ACYP2: variants seen among roughly 807,000 people sequenced by gnomAD.
ACYP2 encodes acylphosphatase 2, also known as acylphosphatase-2.
Under a neutral mutation model 11.2 loss-of-function variants are expected in ACYP2, and 12 were observed. That is an observed-to-expected ratio of 1.08 (90% confidence interval 0.69 to 1.74). The LOEUF (loss-of-function observed/expected upper bound fraction) is 1.74. ACYP2 is among the 40% of genes most tolerant of loss of function. The pLI, the probability that ACYP2 is intolerant of heterozygous loss-of-function variation, is 0.00. For missense variants in ACYP2, 134 were observed against 101.9 expected (o/e 1.31, Z -1.35); for synonymous variants, 43 against 32.2 (o/e 1.33, Z -1.13).
intron 2 of ACYP2, among the ~76,000 whole-genome samples, chr2:54,021,068 A>G (rs1293755294): frequency 6.6e-6 from 1 of 152,190 alleles, no homozygotes; most frequent in East Asian, 1.9e-4. Context: ...TGATGCAGGT[A>G]GCCCCTACTG....
At chr2:54,164,703 A>G (rs191644389) in intron 6 of ACYP2, among the ~76,000 whole-genome samples, 1 of 152,012 alleles carries the variant, frequency 6.6e-6, no homozygotes, top group East Asian at 1.9e-4. Context: ...TTGTTTTGTT[A>G]TGTTTTTGTT....
At chr2:54,234,747 C>T (rs905177974) in intron 6 of ACYP2, among the ~76,000 whole-genome samples, 1 of 152,202 alleles carries the variant, frequency 6.6e-6, no homozygotes, top group Non-Finnish European at 1.5e-5. Flanking sequence ...TCAACATTGT[C>T]TCATCCCTTC....
At chr2:54,195,611 G>A (rs142076366) in intron 6 of ACYP2, among the ~76,000 whole-genome samples, 220 of 139,912 alleles carry the variant, frequency 1.6e-3, no homozygotes, top group African/African-American at 5.4e-3. Context: ...CCGCAGCCAC[G>A]TTGCAAGAAT....
intron 4 of ACYP2, among the ~76,000 whole-genome samples, chr2:54,088,655 C>A (rs1678070289): frequency 6.6e-6 from 1 of 152,232 alleles, no homozygotes; most frequent in Admixed American, 6.5e-5. Flanking sequence ...TCTAAATCAA[C>A]TTCCGAATTC....
At position 54,231,659 on chromosome 2, in the gene ACYP2, GT is replaced by G. The variant is rs565274051; in HGVS notation, c.405-73027del. On this transcript the variant is annotated intron_variant, in intron 6 of 6. Transcript: ENST00000607452. ...TTATGAAAAAACAAATATATATGAAGTTGCAAATATAGGTTTTCAACAAAAG... is the reference window on the plus strand; with the variant it reads ...TTATGAAAAAACAAATATATATGAAGTGCAAATATAGGTTTTCAACAAAAG... Among the ~76,000 whole-genome samples, 17 of 152,248 alleles carry G rather than the reference GT, an allele frequency of 1.1e-4. No individual in the cohort carries two copies. In the East Asian group the frequency reaches 3.3e-3, roughly 29 times the overall value.
At chr2:54,123,096 A>C (rs1033690997) in intron 4 of ACYP2, 2 of 340,920 alleles carry the variant, frequency 5.9e-6, no homozygotes, top group Non-Finnish European at 1.1e-5. Context: ...TGGGCTGTGC[A>C]TGTTTCTCCT....
intron 6 of ACYP2, among the ~76,000 whole-genome samples, chr2:54,168,817 A>T (rs1483438318): frequency 6.6e-6 from 1 of 152,210 alleles, no homozygotes; most frequent in Non-Finnish European, 1.5e-5. Context: ...ATTAATTGTA[A>T]TTGTATTAGA....
chr2:54,266,584 ATC>A (rs1688030264), intron 6 of ACYP2, among the ~76,000 whole-genome samples: 1 of 117,196 alleles, frequency 8.5e-6, no homozygotes, highest in South Asian at 2.8e-4. Context: ...ATAGATATCT[ATC>A]TATCTTTTTT....
chr2:54,219,445 G>A (rs1354019820), intron 6 of ACYP2, among the ~76,000 whole-genome samples: 2 of 152,140 alleles, frequency 1.3e-5, no homozygotes, highest in Admixed American at 1.3e-4. Context: ...GTTTGGGTTT[G>A]AGGTTGTTCA....
chr2:54,098,686 CT>C (rs1057440868), intron 4 of ACYP2, among the ~76,000 whole-genome samples: 8 of 151,578 alleles, frequency 5.3e-5, no homozygotes, highest in African/African-American at 1.9e-4. Context: ...TCACTAACCT[CT>C]GCTACTGTGC....
chr2:53,974,754 A>C (rs372338501), intron 2 of ACYP2, among the ~76,000 whole-genome samples: 1 of 152,204 alleles, frequency 6.6e-6, no homozygotes, highest in African/African-American at 2.4e-5. Flanking sequence ...AGTGTTAGCT[A>C]TCATTCATTG....
intron 4 of ACYP2, among the ~76,000 whole-genome samples, chr2:54,134,550 A>C (rs1681112861): frequency 6.6e-6 from 1 of 152,344 alleles, no homozygotes; most frequent in Admixed American, 6.5e-5. Context: ...TGTTTTATTT[A>C]GCATTTAAAA....
chr2:54,043,091 G>A (rs1675329794), intron 2 of ACYP2, among the ~76,000 whole-genome samples: 1 of 152,156 alleles, frequency 6.6e-6, no homozygotes, highest in East Asian at 1.9e-4. Context: ...GTGTGTGTGT[G>A]TGTGTGTCTG....
chr2:54,219,821 G>GTGTGTGTATATATA (rs1553394626), intron 6 of ACYP2, among the ~76,000 whole-genome samples: 6 of 142,446 alleles, frequency 4.2e-5, no homozygotes, highest in South Asian at 4.5e-4. Flanking sequence ...TTGTGTATGT[G>GTGTGTGTATATATA]TGTGTGTATA....
chr2:54,000,248 T>C (rs2104526768), intron 2 of ACYP2, among the ~76,000 whole-genome samples: 1 of 152,224 alleles, frequency 6.6e-6, no homozygotes, highest in South Asian at 2.1e-4. Context: ...TTCCCCAGAC[T>C]CTTGTGTAGT....
At chr2:54,133,474 T>C (rs1681044754) in intron 4 of ACYP2, among the ~76,000 whole-genome samples, 1 of 152,222 alleles carries the variant, frequency 6.6e-6, no homozygotes, top group South Asian at 2.1e-4. Context: ...TTTCCAAATT[T>C]ACCATGTGTT....
intron 6 of ACYP2, among the ~76,000 whole-genome samples, chr2:54,285,685 G>A (rs1689050449): frequency 6.6e-6 from 1 of 152,188 alleles, no homozygotes; most frequent in Admixed American, 6.5e-5. Flanking sequence ...CAACATCTCA[G>A]TCTCTTTTGT....
chr2:54,272,024 A>ATGTTACTT (rs1440468425), intron 6 of ACYP2, among the ~76,000 whole-genome samples: 3 of 152,148 alleles, frequency 2.0e-5, no homozygotes, highest in African/African-American at 7.2e-5. Flanking sequence ...AGAAACATAC[A>ATGTTACTT]TGTTACTTTC....
intron 4 of ACYP2, among the ~76,000 whole-genome samples, chr2:54,104,839 G>A (rs1216315059): frequency 6.6e-6 from 1 of 152,150 alleles, no homozygotes; most frequent in Non-Finnish European, 1.5e-5. Flanking sequence ...TTCCCCAAGT[G>A]AACATAATGT....
Sources: gnomAD v4.1 joint callset for allele counts (sites outside exome capture counted in the v4.1 genomes callset) on GRCh38, gnomAD v4.1.1 for gene constraint, MANE v1.5 for transcripts, NCBI Gene and HGNC (gene_info 2026-07-23, HGNC 2026-07-21) for gene names.